The following BRD3 variants were observed in gnomAD, a reference collection of about 807,000 sequenced individuals.
BRD3 encodes the protein bromodomain-containing protein 3.
Under a neutral mutation model 66.8 loss-of-function variants are expected in BRD3, and 17 were observed. The observed-to-expected ratio is 0.25, with a 90% CI of 0.17 to 0.38. BRD3 has a LOEUF of 0.38. Ranked by LOEUF, BRD3 falls within the 10% of genes least tolerant of loss-of-function variation. The pLI is 1.00. For synonymous variants in BRD3, 421 were observed against 393.2 expected, an observed-to-expected ratio of 1.07 and a Z score of -0.84; for missense variants, 713 against 956.1, an observed-to-expected ratio of 0.75 and a Z score of 3.35.
At chr9:134,056,613 A>T (rs1391249710) in intron 1 of BRD3, 2 of 152,390 alleles carry the variant, frequency 1.3e-5, no homozygotes, top group Non-Finnish European at 2.9e-5. Context: ...CAGAGGGCAA[A>T]GGGGTGGCAT....
chr9:134,043,323 G>A (rs1005336635), intron 7 of BRD3, among the ~76,000 whole-genome samples: 3 of 152,144 alleles, frequency 2.0e-5, no homozygotes, highest in Admixed American at 6.5e-5. Flanking sequence ...TAGGCCCTCC[G>A]TCACCCCTCT....
intron 9 of BRD3, chr9:134,036,532 A>G (rs1458721311): frequency 6.2e-7 from 1 of 1,607,794 alleles, no homozygotes; most frequent in Non-Finnish European, 8.5e-7. Context: ...ACAATTACAG[A>G]GGTTCGTTCC....
chr9:134,050,715 A>AAGGGGGT, intron 4 of BRD3, 127 bp from the exon 5 acceptor site: 1 of 739,994 alleles, frequency 1.4e-6, no homozygotes. Flanking sequence ...GGCCAGAAGA[A>AAGGGGGT]CCCTCCATGC....
chr9:134,040,777 A>G (rs1460440391), intron 8 of BRD3, among the ~76,000 whole-genome samples: 3 of 152,198 alleles, frequency 2.0e-5, no homozygotes, highest in Non-Finnish European at 4.4e-5. Flanking sequence ...TTCATCAGTG[A>G]TTTCTGGGAA....
intron 9 of BRD3, 167 bp from the exon 10 acceptor site, chr9:134,036,491 A>G: frequency 6.3e-7 from 1 of 1,585,154 alleles, no homozygotes; most frequent in Non-Finnish European, 8.6e-7. Flanking sequence ...AGTCGCTCCC[A>G]GCTGCGGGGT....
intron 1 of BRD3, among the ~76,000 whole-genome samples, chr9:134,066,712 C>G (rs1287548608): frequency 1.3e-5 from 2 of 152,244 alleles, no homozygotes; most frequent in African/African-American, 2.4e-5. Flanking sequence ...TCTTGCAGTT[C>G]CAGCCCAATT....
At position 134,032,413 on chromosome 9, in the gene BRD3, A is replaced by G. The variant is rs112575001; in HGVS notation, c.*1177T>C. The G allele has an allele frequency of 4.7e-3, 991 of 212,028 alleles. 17 individuals carry two copies. The highest frequency in any genetic ancestry group is 0.022 in the African/African-American group (939 of 43,236). 13.1% of individuals were successfully genotyped at this position (212,028 alleles called of 1,614,324 possible). On this transcript the variant is annotated 3_prime_UTR_variant, in exon 12 of 12. Transcript: ENST00000303407. ...AATGTGCTGTAGCTGAAAGCTGTCT[A>G]TACCTGTAAGCCTCCAAGTTTCATA...
rs1422596315 is a variant in BRD3 at position 134,032,580 on chromosome 9, G to A, written c.*1010C>T. ...GGAGACGACAGGCCGCCGCCAGACA[G>A]GACCCGCGCCCGGCACACCACTGGC... On this transcript the variant is annotated 3_prime_UTR_variant, in exon 12 of 12. Coordinates refer to ENST00000303407, the MANE Select transcript of BRD3 (RefSeq NM_007371.4). The A allele has an allele frequency of 4.3e-6, 1 of 231,390 alleles. No homozygotes were observed. The highest frequency in any genetic ancestry group is 5.6e-5 in the Admixed American group (1 of 17,716). 14.3% of individuals were successfully genotyped at this position (231,390 alleles called of 1,614,324 possible).
intron 1 of BRD3, 42 bp downstream of exon 1, chr9:134,067,887 GCCGCCGCCCGCGCCGC>G (rs1229568884): frequency 1.4e-5 from 2 of 144,718 alleles, no homozygotes; most frequent in African/African-American, 2.5e-5. Flanking sequence ...AGCCCGGCCC[GCCGCCGCCCGCGCCGC>G]CCGCCGCCCC....
chr9:134,040,105 A>G lies in BRD3; in HGVS notation c.1572T>C (p.Ala524=), dbSNP rs1208258314. The change falls in exon 9 of 12, where the codon GCT becomes GCC. Residue 524 remains alanine, a synonymous_variant. Transcript: ENST00000303407. ...TCTGCTGAGCCTGCTTGGCAGGCGG[A>G]GCCACCTTGGCCTTCTTCTCTTCCT... ...KAEEEKKAKV[A]PPAKQAQQKK... is the part of the protein sequence containing the mutation. The G allele has an allele frequency of 3.2e-6, 5 of 1,581,554 alleles. No homozygotes were observed. The highest frequency in any genetic ancestry group is 4.3e-6 in the Non-Finnish European group (5 of 1,164,868).
At position 134,033,483 on chromosome 9, in the gene BRD3, GCA is replaced by G; in HGVS notation, c.*105_*106del. 2 of 609,324 alleles carry G rather than the reference GCA, an allele frequency of 3.3e-6. No individual in the cohort carries two copies. The highest frequency in any genetic ancestry group is 3.7e-5 in the African/African-American group (2 of 54,262). The allele number at this position is 609,324 out of a possible 1,614,324, so 37.7% of individuals were successfully genotyped here. On this transcript the variant is annotated 3_prime_UTR_variant, in exon 12 of 12. Coordinates refer to ENST00000303407, the MANE Select transcript of BRD3 (RefSeq NM_007371.4). This position sits in a 1 kb window ranked among gnomAD's most constrained non-coding sequence, Gnocchi z 5.1. Reference sequence around the variant, plus strand: ...AGATATCATAACACTGAATTAAGAAGCAGACCTGCACACCATGGAACAGAAGT... The same window carrying G: ...AGATATCATAACACTGAATTAAGAAGGACCTGCACACCATGGAACAGAAGT...
chr9:134,034,676 G>A (rs775166137), intron 11 of BRD3, 25 bp downstream of exon 11: 8 of 1,600,722 alleles, frequency 5.0e-6, no homozygotes, highest in Non-Finnish European at 5.9e-6. Flanking sequence ...CTAAAGAGGG[G>A]TGGCACAGCG....
At chr9:134,051,871 G>A (rs865815048) in intron 3 of BRD3, among the ~76,000 whole-genome samples, 162 bp from the exon 4 acceptor site, 8 of 110,498 alleles carry the variant, frequency 7.2e-5, no homozygotes, top group East Asian at 3.5e-4. Context: ...GTGTGTGTGT[G>A]TGTGTGTTGT....
intron 1 of BRD3, among the ~76,000 whole-genome samples, chr9:134,067,593 G>C (rs1244812254): frequency 6.8e-6 from 1 of 146,756 alleles, no homozygotes; most frequent in Non-Finnish European, 1.5e-5. Flanking sequence ...CGCGGAGGCC[G>C]GGCTGGCGCG....
Position 134,030,627 on chromosome 9 carries a change from C to CA in BRD3, c.*2962dup, listed in dbSNP as rs1180921862. ...GAAGCATTATGCCAGTATTAAGGAA[C>CA]AGTGCTACTCTGGATGTGACAAATT... On this transcript the variant is annotated 3_prime_UTR_variant, in exon 12 of 12. Transcript: ENST00000303407. The CA allele has an allele frequency of 4.4e-6, 1 of 227,800 alleles. No homozygotes were observed. Among genetic ancestry groups the CA allele is most frequent in the Non-Finnish European group, 8.7e-6 (1 of 114,766 alleles). 14.1% of individuals were successfully genotyped at this position (227,800 alleles called of 1,614,324 possible). A position where few individuals can be genotyped will look rare whatever the true frequency, so the allele number is the denominator to read the frequency against.
At position 134,031,255 on chromosome 9, in the gene BRD3, A is replaced by C. The variant is rs1588266752; in HGVS notation, c.*2335T>G. The C allele has an allele frequency of 4.7e-6, 1 of 211,074 alleles. No individual in the cohort carries two copies. The highest frequency in any genetic ancestry group is 1.9e-4 in the South Asian group (1 of 5,294). 13.1% of individuals were successfully genotyped at this position (211,074 alleles called of 1,614,324 possible). ...ACGATGCTCCTGCTGCGCTGCCCCC[A>C]CAGCCGGCCGCTCCCCCGACGGCTC... On this transcript the variant is annotated 3_prime_UTR_variant, in exon 12 of 12. Transcript: ENST00000303407.
intron 1 of BRD3, among the ~76,000 whole-genome samples, chr9:134,063,028 CA>C (rs1830577357): frequency 6.6e-6 from 1 of 152,230 alleles, no homozygotes; most frequent in South Asian, 2.1e-4. Flanking sequence ...TGACAAGAAC[CA>C]AACTCACAAA....
intron 7 of BRD3, 59 bp from the exon 8 acceptor site, chr9:134,042,010 G>A (rs1830060205): frequency 1.4e-6 from 2 of 1,474,662 alleles, no homozygotes; most frequent in Non-Finnish European, 1.8e-6. Flanking sequence ...GCCCCTTGGT[G>A]TGGGCCCTCA....
intron 9 of BRD3, among the ~76,000 whole-genome samples, chr9:134,039,799 G>C (rs1830001268): frequency 6.6e-6 from 1 of 152,256 alleles, no homozygotes; most frequent in African/African-American, 2.4e-5. Context: ...ACCAGGCCGT[G>C]CCAGCGCTTC....
Sources: allele counts gnomAD v4.1 joint callset (sites outside exome capture counted in the v4.1 genomes callset), GRCh38; gene constraint gnomAD v4.1.1; non-coding constraint Gnocchi (gnomAD v3.1); transcripts MANE v1.5; gene names NCBI Gene and HGNC (gene_info 2026-07-23, HGNC 2026-07-21).